WDR4: variants seen among roughly 807,000 people sequenced by gnomAD.
WDR4 encodes the protein WDR4 tRNA N7-guanosine methyltransferase non-catalytic subunit, also known as tRNA (guanine-N(7)-)-methyltransferase non-catalytic subunit WDR4.
Under a neutral mutation model 48.6 loss-of-function variants are expected in WDR4, and 47 were observed. The ratio of observed to expected loss-of-function variants is 0.97; its 90% CI spans 0.77 to 1.23. The LOEUF is 1.23. Ranked by LOEUF, WDR4 falls within the 50% of genes most tolerant of loss-of-function variation. The pLI is 0.00. For missense variants in WDR4, 606 were observed against 551.6 expected (o/e 1.10, Z -0.99); for synonymous variants, 268 against 230.0 (o/e 1.17, Z -1.49).
chr21:42,847,577 G>A (rs1329840982), downstream of WDR4, among the ~76,000 whole-genome samples: 1 of 152,212 alleles, frequency 6.6e-6, no homozygotes, highest in African/African-American at 2.4e-5. Context: ...CCCGTGAGGA[G>A]GGCGTTCCGT....
At chr21:42,872,610 CAAAAA>C (rs536689165) in intron 3 of WDR4, among the ~76,000 whole-genome samples, 4 of 78,612 alleles carry the variant, frequency 5.1e-5, no homozygotes, top group African/African-American at 9.5e-5. Context: ...GACCCTTCTC[CAAAAA>C]AAAAAAAAAA....
At chr21:42,869,629 C>T (rs188312785) in intron 3 of WDR4, among the ~76,000 whole-genome samples, 1 of 151,180 alleles carries the variant, frequency 6.6e-6, no homozygotes, top group Non-Finnish European at 1.5e-5. Flanking sequence ...AGAGCTCCTA[C>T]AAATAAACAA....
At chr21:42,859,134 C>T (rs1159072241) in intron 6 of WDR4, among the ~76,000 whole-genome samples, 1 of 152,190 alleles carries the variant, frequency 6.6e-6, no homozygotes, top group East Asian at 1.9e-4. Flanking sequence ...CTGTGGTAAC[C>T]CGGGTGCGGG....
At chr21:42,873,811 T>C (rs1457518699) in intron 2 of WDR4, 120 bp from the exon 3 acceptor site, 4 of 1,168,018 alleles carry the variant, frequency 3.4e-6, no homozygotes, top group East Asian at 5.0e-5. Flanking sequence ...GGGGATCACG[T>C]AGCCAAAATA....
the WDR4 span, among the ~76,000 whole-genome samples, chr21:42,890,134 G>A: frequency 3.3e-5 from 5 of 151,914 alleles, no homozygotes; most frequent in Admixed American, 2.0e-4. Context: ...GCATGCATGC[G>A]AATGGTGTGA....
chr21:42,890,214 A>G, the WDR4 span, among the ~76,000 whole-genome samples: 2 of 152,058 alleles, frequency 1.3e-5, no homozygotes, highest in Non-Finnish European at 2.9e-5. Flanking sequence ...TATGGATCCA[A>G]GTGATCCTGT....
chr21:42,853,766 A>G lies in WDR4; in HGVS notation c.792-14T>C. 6.5e-7 allele frequency: 1 copy of G among 1,546,808 alleles called. No individual in the cohort carries two copies. On this transcript the variant is annotated splice_polypyrimidine_tract_variant and intron_variant, in intron 8 of 10. Transcript: ENST00000398208. Reference sequence around the variant, plus strand: ...ACCACAGGAGTGCTTGCCACGAAGAAAGAGAGCATGATTACTAGGACTGCA... The same window carrying G: ...ACCACAGGAGTGCTTGCCACGAAGAGAGAGAGCATGATTACTAGGACTGCA...
At chr21:42,866,394 C>T (rs188657223) in intron 3 of WDR4, among the ~76,000 whole-genome samples, 81 of 152,352 alleles carry the variant, frequency 5.3e-4, no homozygotes, top group African/African-American at 1.9e-3. Context: ...GGGTCTCGCC[C>T]AGCTCAGGGG....
At chr21:42,851,033 C>A (rs1293709945) in intron 10 of WDR4, among the ~76,000 whole-genome samples, 1 of 152,208 alleles carries the variant, frequency 6.6e-6, no homozygotes, top group African/African-American at 2.4e-5. Context: ...CAGCAGCCCT[C>A]CCCGGTCCCT....
intron 2 of WDR4, among the ~76,000 whole-genome samples, chr21:42,876,081 G>C (rs2058484858): frequency 6.6e-6 from 1 of 151,318 alleles, no homozygotes; most frequent in African/African-American, 2.4e-5. Flanking sequence ...CAGCATGCCT[G>C]GCTATTTTTA....
intron 3 of WDR4, among the ~76,000 whole-genome samples, chr21:42,871,146 G>A (rs896438644): frequency 6.6e-6 from 1 of 152,206 alleles, no homozygotes; most frequent in Admixed American, 6.5e-5. Context: ...ATAGGGAGAA[G>A]ACGCCATCAG....
chr21:42,885,757 C>T, the WDR4 span, among the ~76,000 whole-genome samples: 3 of 151,896 alleles, frequency 2.0e-5, no homozygotes, highest in Admixed American at 2.0e-4. Context: ...TACAGTAATA[C>T]AATCACAGCT....
chr21:42,856,727 T>C (rs755980704), intron 6 of WDR4, among the ~76,000 whole-genome samples: 2 of 152,066 alleles, frequency 1.3e-5, no homozygotes, highest in Non-Finnish European at 1.5e-5. Flanking sequence ...AGTAGATGCA[T>C]ATCCTCTGGG....
chr21:42,892,761 C>A, the WDR4 span, among the ~76,000 whole-genome samples: 2 of 152,318 alleles, frequency 1.3e-5, no homozygotes, highest in South Asian at 4.1e-4. Flanking sequence ...CTGGTATTAG[C>A]GTTGGCAGGG....
At chr21:42,883,943 A>G (rs756023992), upstream of WDR4, 2 of 152,306 alleles carry the variant, frequency 1.3e-5, no homozygotes, top group African/African-American at 2.4e-5. Context: ...TAAACCCAGT[A>G]GCAGTCACTC....
At chr21:42,887,303 T>C in the WDR4 span, among the ~76,000 whole-genome samples, 25 of 151,454 alleles carry the variant, frequency 1.7e-4, no homozygotes, top group African/African-American at 5.3e-4. Flanking sequence ...AATTTTTTTT[T>C]TTTTTTTTTT....
At chr21:42,874,083 A>C (rs191378207) in intron 2 of WDR4, among the ~76,000 whole-genome samples, 443 of 152,342 alleles carry the variant, frequency 2.9e-3, no homozygotes, top group African/African-American at 0.01. Context: ...TGGTGTTGCG[A>C]GAAGTCAGGG....
rs375546156 is a variant in WDR4, at chr21:42,853,543, G to A, written c.975+26C>T. On this transcript the variant is annotated intron_variant, in intron 9 of 10. Coordinates refer to ENST00000398208, the MANE Select transcript of WDR4 (RefSeq NM_018669.6). ...AGGCTTATGGAAAGGCAGGGCATAGGACATCTGGAAGGTGCCGAGTCTCAC... is the reference window on the plus strand; with the variant it reads ...AGGCTTATGGAAAGGCAGGGCATAGAACATCTGGAAGGTGCCGAGTCTCAC... 4 of 1,596,746 alleles carry A rather than the reference G, an allele frequency of 2.5e-6. No homozygotes were observed. The African/African-American group carries it at 4.0e-5, about 16-fold the overall frequency.
At chr21:42,844,518 C>G (rs1226410236), downstream of WDR4, among the ~76,000 whole-genome samples, 1 of 152,182 alleles carries the variant, frequency 6.6e-6, no homozygotes, top group Non-Finnish European at 1.5e-5. Context: ...GAACCTCCAC[C>G]GCCAGGACTG....
Sources: allele counts gnomAD v4.1 joint callset (sites outside exome capture counted in the v4.1 genomes callset), GRCh38; gene constraint gnomAD v4.1.1; transcripts MANE v1.5; gene names NCBI Gene and HGNC (gene_info 2026-07-23, HGNC 2026-07-21).